The following AK8 variants were observed in gnomAD, a reference collection of about 807,000 sequenced individuals.
AK8 encodes adenylate kinase 8, also known as ATP-AMP transphosphorylase 8.
A neutral mutation model predicts 54.6 loss-of-function variants in AK8; 44 were observed. That is an observed-to-expected ratio of 0.81 (90% CI 0.63 to 1.04). The LOEUF is 1.04. AK8 is among the 50% of genes least tolerant of loss of function. The pLI, the probability that AK8 is intolerant of heterozygous loss-of-function variation, is 0.00. For missense variants in AK8, 555 were observed against 613.6 expected (o/e 0.90, Z 1.01); for synonymous variants, 239 against 245.6 (o/e 0.97, Z 0.25).
chr9:132,773,302 A>G (rs1266626990), intron 11 of AK8, among the ~76,000 whole-genome samples: 2 of 152,242 alleles, frequency 1.3e-5, no homozygotes, highest in Non-Finnish European at 1.5e-5. Flanking sequence ...ATCATCAGAA[A>G]GGCCTTCCCT....
Position 132,768,200 on chromosome 9 carries a change from T to A in AK8, c.1121+24434A>T, listed in dbSNP as rs187595764. Reference sequence around the variant, plus strand: ...CACGTTATATGCATGTACCGAAATATCACATGTACCCTCATGAATATGTAC... The same window carrying A: ...CACGTTATATGCATGTACCGAAATAACACATGTACCCTCATGAATATGTAC... On this transcript the variant is annotated intron_variant, in intron 11 of 12. Transcript: ENST00000298545. 4.2e-3 allele frequency among the ~76,000 whole-genome samples: 633 copies of A among 152,302 alleles called. 2 individuals carry two copies. Among genetic ancestry groups the A allele is most frequent in the South Asian group, 0.018 (87 of 4,834 alleles).
intron 11 of AK8, among the ~76,000 whole-genome samples, chr9:132,759,319 A>G (rs2131046009): frequency 6.6e-6 from 1 of 151,896 alleles, no homozygotes; most frequent in African/African-American, 2.4e-5. Context: ...TATCTCATTC[A>G]TTTATAGGAG....
At chr9:132,875,298 A>G in intron 1 of AK8, 99 bp from the exon 2 acceptor site, 1 of 1,524,208 alleles carries the variant, frequency 6.6e-7, no homozygotes. Flanking sequence ...ACTGCACCCC[A>G]CCAAACATGC....
chr9:132,821,128 A>T (rs78252016), intron 9 of AK8, among the ~76,000 whole-genome samples: 4 of 136,832 alleles, frequency 2.9e-5, no homozygotes, highest in East Asian at 4.0e-4. Flanking sequence ...AATTTGAATT[A>T]AAAAAAAAAA....
chr9:132,857,769 C>T (rs1487953287), intron 4 of AK8, among the ~76,000 whole-genome samples: 4 of 152,198 alleles, frequency 2.6e-5, no homozygotes, highest in Non-Finnish European at 2.9e-5. Flanking sequence ...CCCGGTGGGG[C>T]ACAGCACCCC....
At chr9:132,800,649 G>A (rs1187492523) in intron 10 of AK8, among the ~76,000 whole-genome samples, 1 of 152,178 alleles carries the variant, frequency 6.6e-6, no homozygotes, top group African/African-American at 2.4e-5. Context: ...AAAATTGCCT[G>A]GCAGACAATG....
chr9:132,841,159 A>G (rs1164288992), intron 5 of AK8, among the ~76,000 whole-genome samples: 1 of 152,220 alleles, frequency 6.6e-6, no homozygotes, highest in Non-Finnish European at 1.5e-5. Flanking sequence ...TGTGAATTAC[A>G]GGGCGCTCTA....
chr9:132,869,898 C>T (rs1843743650), intron 2 of AK8, among the ~76,000 whole-genome samples: 1 of 151,930 alleles, frequency 6.6e-6, no homozygotes, highest in Admixed American at 6.5e-5. Flanking sequence ...CCTGCTTGGC[C>T]AAAGTCTGAT....
At chr9:132,810,347 G>A (rs765031799) in intron 10 of AK8, among the ~76,000 whole-genome samples, 4 of 150,366 alleles carry the variant, frequency 2.7e-5, no homozygotes, top group Non-Finnish European at 5.9e-5. Context: ...GAATTGTGCC[G>A]TCAGCCTCCT....
At chr9:132,866,880 C>G in intron 3 of AK8, 24 bp downstream of exon 3, 7 of 1,611,068 alleles carry the variant, frequency 4.3e-6, no homozygotes, top group Non-Finnish European at 5.9e-6. Flanking sequence ...TACAGCATCA[C>G]AACACTTAAT....
In AK8 at chr9:132,759,873, C is replaced by T. The variant is rs1209628077; in HGVS notation, c.1122-32339G>A. Among the ~76,000 whole-genome samples, 3 of 152,184 alleles carry T rather than the reference C, an allele frequency of 2.0e-5. No homozygotes were observed. In the East Asian group the frequency reaches 5.8e-4, roughly 29 times the overall value. On this transcript the variant is annotated intron_variant, in intron 11 of 12. Transcript: ENST00000298545. ...CAAGTCCTCCCACTTTGTCTTTCTT[C>T]GGGAATAACTTGATAAATTTTTAAC... is the stretch of plus-strand genomic sequence containing the variant.
At chr9:132,763,467 T>A (rs140330565) in intron 11 of AK8, among the ~76,000 whole-genome samples, 1 of 152,352 alleles carries the variant, frequency 6.6e-6, no homozygotes, top group African/African-American at 2.4e-5. Flanking sequence ...TCTTACATAT[T>A]TTAAGTTTGG....
chr9:132,817,393 C>G (rs1478582196), intron 9 of AK8, among the ~76,000 whole-genome samples: 2 of 152,124 alleles, frequency 1.3e-5, no homozygotes, highest in African/African-American at 4.8e-5. Context: ...AGAAAACAGG[C>G]CAGAGAATCA....
intron 11 of AK8, among the ~76,000 whole-genome samples, chr9:132,789,102 T>C (rs1049640193): frequency 3.3e-5 from 5 of 152,004 alleles, no homozygotes; most frequent in South Asian, 4.2e-4. Flanking sequence ...GAGACCATCC[T>C]GGCTAACACG....
At chr9:132,766,747 T>A (rs775588844) in intron 11 of AK8, among the ~76,000 whole-genome samples, 1 of 152,116 alleles carries the variant, frequency 6.6e-6, no homozygotes, top group Non-Finnish European at 1.5e-5. Flanking sequence ...AAAGCTATAG[T>A]AACCAAAATA....
intron 11 of AK8, among the ~76,000 whole-genome samples, chr9:132,784,764 T>A (rs1039599193): frequency 2.0e-5 from 3 of 152,204 alleles, no homozygotes; most frequent in African/African-American, 7.2e-5. Context: ...TTAGTATCTA[T>A]GTACCCTAGC....
intron 5 of AK8, among the ~76,000 whole-genome samples, chr9:132,831,243 C>T (rs1215184518): frequency 6.6e-6 from 1 of 151,628 alleles, no homozygotes; most frequent in East Asian, 1.9e-4. Context: ...AATATTTTGT[C>T]AAGTTCCCAA....
chr9:132,756,741 C>G (rs1247398992), intron 11 of AK8, among the ~76,000 whole-genome samples: 1 of 152,148 alleles, frequency 6.6e-6, no homozygotes. Context: ...CCTAATTTAT[C>G]TCTCATCACA....
At chr9:132,816,308 T>G (rs1471604222) in intron 9 of AK8, among the ~76,000 whole-genome samples, 1 of 149,870 alleles carries the variant, frequency 6.7e-6, no homozygotes, top group Admixed American at 6.7e-5. Flanking sequence ...GAGCAGAGAT[T>G]GGCACCACTA....
Sources: gnomAD v4.1 joint callset for allele counts (sites outside exome capture counted in the v4.1 genomes callset) on GRCh38, gnomAD v4.1.1 for gene constraint, MANE v1.5 for transcripts, NCBI Gene and HGNC (gene_info 2026-07-23, HGNC 2026-07-21) for gene names.